The following CSMD1 variants were observed in gnomAD, a reference collection of about 807,000 sequenced individuals.
CSMD1 encodes CUB and sushi domain-containing protein 1.
In CSMD1, 213 loss-of-function variants were observed where a neutral mutation model predicts 417.5. The ratio of observed to expected loss-of-function variants is 0.51; its 90% confidence interval spans 0.46 to 0.57. The LOEUF (loss-of-function observed/expected upper bound fraction) is 0.57, where lower values mean the gene tolerates loss of function less well. Among genes scored for constraint, CSMD1 ranks in the 20% least tolerant of loss-of-function variants. The pLI, the probability that CSMD1 is intolerant of heterozygous loss-of-function variation, is 0.00. For synonymous variants in CSMD1, 2,862 were observed against 1,736.8 expected (o/e 1.65, Z -16.11); for missense variants, 6,923 against 4,529.7 (o/e 1.53, Z -15.17).
chr8:3,780,459 G>A (rs573243901), intron 5 of CSMD1, among the ~76,000 whole-genome samples: 95 of 152,242 alleles, frequency 6.2e-4, no homozygotes, highest in African/African-American at 2.1e-3. Context: ...CAACTTTAAT[G>A]GTTCAAAATT....
Position 4,354,801 on chromosome 8 carries a change from T to C in CSMD1, c.415+65152A>G, listed in dbSNP as rs186680264. 1.7e-3 allele frequency among the ~76,000 whole-genome samples: 252 copies of C among 151,880 alleles called. 2 individuals carry two copies. The highest frequency in any genetic ancestry group is 5.8e-3 in the African/African-American group (239 of 41,420). ...CAGAAAAATGAAAGCAAAAAGTTTA[T>C]CAAACTTAGTATTATACCTGGTTTC... On this transcript the variant is annotated intron_variant, in intron 3 of 69. Transcript: ENST00000635120.
intron 3 of CSMD1, among the ~76,000 whole-genome samples, chr8:4,205,711 G>C (rs902838308): frequency 4.7e-5 from 6 of 126,418 alleles, no homozygotes; most frequent in Non-Finnish European, 1.7e-5. Context: ...CCAAATAATA[G>C]AGGTTTATTT....
intron 4 of CSMD1, among the ~76,000 whole-genome samples, chr8:4,027,676 G>T (rs1020958180): frequency 6.6e-6 from 1 of 152,012 alleles, no homozygotes; most frequent in Admixed American, 6.6e-5. Context: ...GCATGATAAC[G>T]GACTAATACA....
At chr8:4,323,766 C>T (rs570658234) in intron 3 of CSMD1, among the ~76,000 whole-genome samples, 1 of 152,232 alleles carries the variant, frequency 6.6e-6, no homozygotes, top group Non-Finnish European at 1.5e-5. Context: ...CCCCCTTCCC[C>T]TGGCCAGACC....
intron 43 of CSMD1, among the ~76,000 whole-genome samples, 155 bp downstream of exon 43, chr8:3,110,003 G>A (rs959850034): frequency 6.6e-6 from 1 of 152,156 alleles, no homozygotes; most frequent in Non-Finnish European, 1.5e-5. Context: ...ATGTGAAATT[G>A]ATTCCCTATA....
At chr8:3,493,293 CA>C (rs752935476) in intron 11 of CSMD1, among the ~76,000 whole-genome samples, 39,096 of 90,626 alleles carry the variant, frequency 0.43, 5,750 homozygotes, top group Middle Eastern at 0.59. Flanking sequence ...GAACCTGTCT[CA>C]AAAAAAAAAA....
intron 37 of CSMD1, among the ~76,000 whole-genome samples, chr8:3,169,710 G>C (rs1563106202): frequency 7.3e-6 from 1 of 137,686 alleles, no homozygotes. Context: ...TGAGTCTAGA[G>C]CTAGAAATAT....
intron 2 of CSMD1, among the ~76,000 whole-genome samples, chr8:4,436,868 A>G (rs1466148702): frequency 6.6e-6 from 1 of 152,158 alleles, no homozygotes; most frequent in Non-Finnish European, 1.5e-5. Context: ...TTGTGGCTGA[A>G]GAGTACTCCA....
At chr8:3,374,277 G>A (rs1047764549) in intron 18 of CSMD1, among the ~76,000 whole-genome samples, 1 of 152,130 alleles carries the variant, frequency 6.6e-6, no homozygotes, top group Non-Finnish European at 1.5e-5. Flanking sequence ...CGTTTTTCAA[G>A]TTCTGTCTTT....
At chr8:3,865,806 G>C (rs1017458419) in intron 5 of CSMD1, among the ~76,000 whole-genome samples, 1 of 151,808 alleles carries the variant, frequency 6.6e-6, no homozygotes, top group Non-Finnish European at 1.5e-5. Context: ...CTCTTTTTTT[G>C]GTATACTGTA....
At chr8:3,962,348 G>A (rs975393301) in intron 5 of CSMD1, among the ~76,000 whole-genome samples, 132 of 152,244 alleles carry the variant, frequency 8.7e-4, no homozygotes, top group African/African-American at 3.1e-3. Flanking sequence ...AAGATCCCAA[G>A]TACAGTGCAC....
chr8:3,187,124 T>A (rs1192347184), intron 36 of CSMD1, among the ~76,000 whole-genome samples: 2 of 152,202 alleles, frequency 1.3e-5, no homozygotes, highest in East Asian at 3.9e-4. Context: ...TGTGGGCAAC[T>A]GTGAGGACAG....
chr8:3,230,610 A>T (rs1384954544), intron 26 of CSMD1, among the ~76,000 whole-genome samples: 1 of 152,208 alleles, frequency 6.6e-6, no homozygotes, highest in East Asian at 1.9e-4. Flanking sequence ...AAAGTACACC[A>T]ACCTCAAGGA....
intron 12 of CSMD1, among the ~76,000 whole-genome samples, chr8:3,420,872 A>C (rs1813444653): frequency 6.6e-6 from 1 of 151,944 alleles, no homozygotes; most frequent in Admixed American, 6.6e-5. Context: ...AATAAGTAAA[A>C]TGCTTCCCAT....
chr8:3,281,510 G>C (rs558981425), intron 26 of CSMD1, among the ~76,000 whole-genome samples: 2 of 152,218 alleles, frequency 1.3e-5, no homozygotes, highest in East Asian at 3.9e-4. Context: ...CTGCTAAAAA[G>C]AAATGATCCG....
At chr8:3,891,487 C>G (rs2627339) in intron 5 of CSMD1, among the ~76,000 whole-genome samples, 6,122 of 152,140 alleles carry the variant, frequency 0.04, 421 homozygotes, top group African/African-American at 0.14. Flanking sequence ...TGAGACCACC[C>G]TGGACAACAT....
intron 20 of CSMD1, among the ~76,000 whole-genome samples, chr8:3,364,795 T>A (rs1809444853): frequency 6.6e-6 from 1 of 152,218 alleles, no homozygotes; most frequent in South Asian, 2.1e-4. Context: ...GGTCCAGAAT[T>A]GAGAAACAAA....
rs544128199 is a variant in CSMD1 at position 3,626,144 on chromosome 8, G to A, written c.1010-9347C>T. ...GAGATGTTCACCGGAATGTATATTG[G>A]CAGCACCAAAGAGCGACGTCTCTAT... On this transcript the variant is annotated intron_variant, in intron 7 of 69. Coordinates refer to ENST00000635120, the MANE Select transcript of CSMD1 (RefSeq NM_033225.6). Among the ~76,000 whole-genome samples the A allele has an allele frequency of 7.2e-5, 11 of 152,246 alleles. No homozygotes were observed. The East Asian group carries it at 2.1e-3, about 29-fold the overall frequency.
At chr8:4,810,771 G>C (rs185097170) in intron 1 of CSMD1, among the ~76,000 whole-genome samples, 1 of 152,270 alleles carries the variant, frequency 6.6e-6, no homozygotes, top group East Asian at 1.9e-4. Context: ...AAAAGCTGAA[G>C]AAAGTGCCTC....
Sources: gnomAD v4.1 joint callset for allele counts (sites outside exome capture counted in the v4.1 genomes callset) on GRCh38, gnomAD v4.1.1 for gene constraint, MANE v1.5 for transcripts, NCBI Gene and HGNC (gene_info 2026-07-23, HGNC 2026-07-21) for gene names.